The following ZNF638 variants were observed in gnomAD, a reference collection of about 807,000 sequenced individuals.
ZNF638 encodes CTCL tumor antigen se33-1.
In ZNF638, 46 loss-of-function variants were observed where a neutral mutation model predicts 195.6. The ratio of observed to expected loss-of-function variants is 0.24; its 90% CI spans 0.19 to 0.30. ZNF638 has a LOEUF of 0.30. Among genes scored for constraint, ZNF638 ranks in the 10% least tolerant of loss-of-function variants. The pLI is 1.00. For synonymous variants in ZNF638, 845 were observed against 772.0 expected (o/e 1.09, Z -1.57); for missense variants, 2,440 against 2,325.3 (o/e 1.05, Z -1.01).
At chr2:71,405,262 C>T (rs1359345350) in intron 17 of ZNF638, among the ~76,000 whole-genome samples, 1 of 152,144 alleles carries the variant, frequency 6.6e-6, no homozygotes, top group South Asian at 2.1e-4. Context: ...TCCTACTTTG[C>T]TTAGTTAACT....
chr2:71,389,504 CAG>C (rs1452759420), intron 10 of ZNF638, among the ~76,000 whole-genome samples: 2 of 152,152 alleles, frequency 1.3e-5, no homozygotes, highest in East Asian at 3.9e-4. Context: ...CTCTGGAAGA[CAG>C]AGTATGATGA....
At chr2:71,379,831 T>C (rs1016659439) in intron 8 of ZNF638, 2 of 152,966 alleles carry the variant, frequency 1.3e-5, no homozygotes, top group African/African-American at 4.8e-5. Flanking sequence ...CATTCCAATT[T>C]TAGTATATGT....
chr2:71,338,517 T>TA (rs1399217269), intron 1 of ZNF638, among the ~76,000 whole-genome samples: 3 of 152,210 alleles, frequency 2.0e-5, no homozygotes, highest in African/African-American at 7.2e-5. Flanking sequence ...TGCTCAAACT[T>TA]ATGATGTATC....
At chr2:71,344,335 A>G (rs1183414722) in intron 1 of ZNF638, among the ~76,000 whole-genome samples, 3 of 152,288 alleles carry the variant, frequency 2.0e-5, no homozygotes, top group East Asian at 1.9e-4. Context: ...CAGATGTACT[A>G]TAGTTTATTT....
chr2:71,396,254 A>C, intron 11 of ZNF638, 63 bp downstream of exon 11: 3 of 1,349,054 alleles, frequency 2.2e-6, no homozygotes, highest in Non-Finnish European at 3.1e-6. Flanking sequence ...TTAAAATCGT[A>C]TGGCAGTAGT....
At chr2:71,393,876 C>G (rs2079839626) in intron 10 of ZNF638, among the ~76,000 whole-genome samples, 2 of 152,136 alleles carry the variant, frequency 1.3e-5, no homozygotes, top group Non-Finnish European at 2.9e-5. Flanking sequence ...TGCCAGGTAA[C>G]ACTACATATC....
intron 21 of ZNF638, among the ~76,000 whole-genome samples, chr2:71,419,479 G>A (rs1217395198): frequency 6.6e-6 from 1 of 152,164 alleles, no homozygotes; most frequent in East Asian, 1.9e-4. Flanking sequence ...CGTCTTAGCG[G>A]ATTTTTCTTC....
chr2:71,419,959 C>CCCT (rs2080390948), intron 21 of ZNF638, among the ~76,000 whole-genome samples: 1 of 10,764 alleles, frequency 9.3e-5, no homozygotes. Context: ...CTTCTTAATT[C>CCCT]CCACCCCCCC....
At chr2:71,380,739 C>G (rs1431508133) in intron 10 of ZNF638, 174 bp downstream of exon 10, 3 of 467,194 alleles carry the variant, frequency 6.4e-6, no homozygotes, top group Non-Finnish European at 1.1e-5. Context: ...TGTGTAATTA[C>G]AGAATCACTT....
intron 16 of ZNF638, among the ~76,000 whole-genome samples, chr2:71,402,992 A>C (rs928600398): frequency 1.3e-5 from 2 of 152,186 alleles, no homozygotes; most frequent in African/African-American, 4.8e-5. Flanking sequence ...ATGATCGCAG[A>C]GCTCAGTAAA....
At chr2:71,402,700 CAA>C (rs1327413689) in intron 16 of ZNF638, among the ~76,000 whole-genome samples, 2 of 152,202 alleles carry the variant, frequency 1.3e-5, no homozygotes, top group East Asian at 1.9e-4. Context: ...ATTTTTAAAA[CAA>C]CACATTAAAA....
In ZNF638 at chr2:71,422,989, G is replaced by A. The variant is rs1226161883; in HGVS notation, c.3475G>A (p.Asp1159Asn). ...EEAEKATCDS[D>N]FAVETLELET... ...AGCTGAAAAAGCAACATGTGATTCT[G>A]ACTTTGCTGTTGAAACTTTGGAGCT... The change falls in exon 22 of 28, where the codon GAC becomes AAC. Residue 1159 changes from aspartate (D) to asparagine (N), a missense_variant. By Grantham distance (23) the Asp-to-Asn change is conservative. Coordinates refer to ENST00000264447, the MANE Select transcript of ZNF638 (RefSeq NM_014497.5). 6.2e-7 allele frequency: 1 copy of A among 1,614,100 alleles called. No homozygotes were observed. Among genetic ancestry groups the A allele is most frequent in the Middle Eastern group, 1.6e-4 (1 of 6,062 alleles).
intron 10 of ZNF638, chr2:71,395,923 T>C (rs960824180): frequency 6.3e-5 from 37 of 591,322 alleles, no homozygotes; most frequent in Non-Finnish European, 1.1e-4. Flanking sequence ...TGAAGGTCAG[T>C]CTAATGTTAC....
In ZNF638 at chr2:71,382,060, T is replaced by G. The variant is rs191368476; in HGVS notation, c.2377+1495T>G. Among the ~76,000 whole-genome samples, 513 of 152,210 alleles carry G rather than the reference T, an allele frequency of 3.4e-3. 6 individuals carry two copies. Among genetic ancestry groups the G allele is most frequent in the South Asian group, 0.028 (135 of 4,818 alleles). ...AAATTTGCATTTTATTATATGGAAT[T>G]TTTCAGTAAGTGAGTTTAAAAAATT... is the stretch of plus-strand genomic sequence containing the variant. On this transcript the variant is annotated intron_variant, in intron 10 of 27. Transcript: ENST00000264447.
intron 6 of ZNF638, among the ~76,000 whole-genome samples, chr2:71,367,396 C>T (rs1190463383): frequency 1.3e-5 from 2 of 148,416 alleles, no homozygotes; most frequent in African/African-American, 2.5e-5. Flanking sequence ...TAGAAGACTA[C>T]AGGTATGCGC....
At chr2:71,358,182 A>G (rs140847039) in intron 3 of ZNF638, among the ~76,000 whole-genome samples, 185 of 152,330 alleles carry the variant, frequency 1.2e-3, no homozygotes, top group Middle Eastern at 3.4e-3. Flanking sequence ...ATGCCCTGCT[A>G]TTAGAAAGAC....
At chr2:71,363,280 T>C in intron 4 of ZNF638, 89 bp downstream of exon 4, 1 of 1,005,894 alleles carries the variant, frequency 9.9e-7, no homozygotes, top group South Asian at 1.6e-5. Context: ...TTTTGAGTTC[T>C]ACTTCTGCCA....
In ZNF638 at chr2:71,398,907, G is replaced by A; in HGVS notation, c.2500+135G>A. The A allele has an allele frequency of 3.8e-6, 3 of 781,822 alleles. No individual in the cohort carries two copies. In the Admixed American group the frequency reaches 8.4e-5, roughly 22 times the overall value. 48.4% of individuals were successfully genotyped at this position (781,822 alleles called of 1,614,324 possible). On this transcript the variant is annotated intron_variant, in intron 12 of 27. Transcript: ENST00000264447. ...TGATATTTAAAACCTGACCCATTTT[G>A]TTGGAATTTTATCTTTGGCAGATAG... is the stretch of plus-strand genomic sequence containing the variant.
intron 25 of ZNF638, chr2:71,430,967 A>G (rs2080645962): frequency 6.1e-6 from 1 of 162,980 alleles, no homozygotes; most frequent in Non-Finnish European, 1.3e-5. Context: ...CATAGAATCA[A>G]TTTCTGCTGG....
Sources: gnomAD v4.1 joint callset for allele counts (sites outside exome capture counted in the v4.1 genomes callset) on GRCh38, gnomAD v4.1.1 for gene constraint, MANE v1.5 for transcripts, NCBI Gene and HGNC (gene_info 2026-07-23, HGNC 2026-07-21) for gene names.